The following CROCC variants were observed in gnomAD, a reference collection of about 807,000 sequenced individuals.
CROCC encodes rootletin.
In CROCC, 180 loss-of-function variants were observed where a neutral mutation model predicts 245.2. The observed-to-expected ratio is 0.73, with a 90% CI of 0.65 to 0.83. CROCC has a LOEUF of 0.83. Ranked by LOEUF, CROCC falls within the 40% of genes least tolerant of loss-of-function variation. The pLI is 0.00. For synonymous variants in CROCC, 1,205 were observed against 1,241.6 expected, an observed-to-expected ratio of 0.97 and a Z score of 0.62; for missense variants, 2,688 against 2,779.4, an observed-to-expected ratio of 0.97 and a Z score of 0.74.
chr1:16,935,359 A>G (rs1462934186), intron 8 of CROCC, among the ~76,000 whole-genome samples: 1 of 152,216 alleles, frequency 6.6e-6, no homozygotes, highest in Non-Finnish European at 1.5e-5. Flanking sequence ...CTAACCTACT[A>G]GTTATAACTG....
chr1:16,919,061 C>G (rs1352408365), upstream of CROCC, among the ~76,000 whole-genome samples: 1 of 152,294 alleles, frequency 6.6e-6, no homozygotes, highest in African/African-American at 2.4e-5. Context: ...TTGCCCAAAT[C>G]TGGCTTGCTT....
chr1:16,947,022 G>A, intron 17 of CROCC, 31 bp downstream of exon 17: 1 of 1,527,606 alleles, frequency 6.5e-7, no homozygotes, highest in South Asian at 1.2e-5. Flanking sequence ...GGGTGGTGTG[G>A]AGAGCATGTG....
chr1:16,943,791 G>C (rs1415798949), intron 13 of CROCC, among the ~76,000 whole-genome samples: 2 of 152,272 alleles, frequency 1.3e-5, no homozygotes, highest in African/African-American at 4.8e-5. Context: ...AGCAGAGCTG[G>C]TGGCACAATT....
chr1:16,938,887 T>G, intron 11 of CROCC, 22 bp from the exon 12 acceptor site: 1 of 1,603,454 alleles, frequency 6.2e-7, no homozygotes, highest in Non-Finnish European at 8.5e-7. Context: ...AGCCTCCTTC[T>G]GCCTCCCTCC....
chr1:16,927,876 CAG>C (rs1375716900), intron 3 of CROCC, among the ~76,000 whole-genome samples: 1 of 152,292 alleles, frequency 6.6e-6, no homozygotes, highest in Non-Finnish European at 1.5e-5. Context: ...CCTCCAGACT[CAG>C]GGGGAAGCCC....
chr1:16,944,159 G>C lies in CROCC; in HGVS notation c.1868G>C (p.Arg623Pro), dbSNP rs111539525. ...GCCCAGCAGCAGGCCGAGGAGCTGC[G>C]GCAGGAGCGGGAGAAGCTGCAGGCT... ...QVAQQQAEELRQEREKLQAAQ... is the reference protein window; with the variant it reads ...QVAQQQAEELPQEREKLQAAQ... The change falls in exon 14 of 37, where the codon CGG becomes CCG. Residue 623 changes from arginine (R) to proline (P), a missense_variant. Coordinates refer to ENST00000375541, the MANE Select transcript of CROCC (RefSeq NM_014675.5). 967 of 1,555,930 alleles carry C rather than the reference G, an allele frequency of 6.2e-4. 4 individuals carry two copies. Among genetic ancestry groups the C allele is most frequent in the African/African-American group, 4.2e-3 (307 of 73,506 alleles).
chr1:16,948,377 G>A lies in CROCC; in HGVS notation c.2561G>A (p.Arg854Gln), dbSNP rs763919738. The A allele has an allele frequency of 1.9e-5, 30 of 1,578,478 alleles. No homozygotes were observed. Among genetic ancestry groups the A allele is most frequent in the African/African-American group, 6.7e-5 (5 of 74,630 alleles). ...SGREQELEQA[R>Q]REAQRQVEAL... is the part of the protein sequence containing the mutation. ...CGGGAGCAGGAGCTGGAGCAGGCCC[G>A]GCGGGAGGCCCAGCGGCAAGTGGAG... Residue 854 changes from arginine to glutamine, a missense_variant, in exon 18 of 37, where the codon CGG (arginine) becomes CAG (glutamine). Coordinates refer to ENST00000375541, the MANE Select transcript of CROCC (RefSeq NM_014675.5).
chr1:16,963,890 G>A (rs1366700272), intron 27 of CROCC, among the ~76,000 whole-genome samples: 1 of 152,086 alleles, frequency 6.6e-6, no homozygotes, highest in African/African-American at 2.4e-5. Context: ...CCGCCTGCTG[G>A]GTTCAAGCGA....
rs1392010991 is a variant in CROCC, at chr1:16,954,469, G to A, written c.3321+112G>A. 4.2e-6 allele frequency: 6 copies of A among 1,417,054 alleles called. No individual in the cohort carries two copies. The highest frequency in any genetic ancestry group is 5.7e-6 in the Non-Finnish European group (6 of 1,057,100). The allele number at this position is 1,417,054 out of a possible 1,614,324, so 87.8% of individuals were successfully genotyped here. ...TGTCCTGGAGAAGCTTCCAGGCTGT[G>A]GGAAAGGAGGTTTAGCCCTTCTTTT... On this transcript the variant is annotated intron_variant, in intron 22 of 36. Transcript: ENST00000375541. This position sits in a 1 kb window ranked among gnomAD's most constrained non-coding sequence, Gnocchi z 4.4.
At position 16,971,659 on chromosome 1, in the gene CROCC, C is replaced by G; in HGVS notation, c.5967+12C>G. On this transcript the variant is annotated intron_variant, in intron 36 of 36. Transcript: ENST00000375541. ...GGCTGGAGGAGCAGGTGTGCAGGCC[C>G]CCTTAGAAGGCTGGGCCAGGATGGA... 6.8e-7 allele frequency: 1 copy of G among 1,468,674 alleles called. No homozygotes were observed. The highest frequency in any genetic ancestry group is 9.0e-7 in the Non-Finnish European group (1 of 1,109,504). The allele number at this position is 1,468,674 out of a possible 1,614,324, so 91.0% of individuals were successfully genotyped here.
intron 24 of CROCC, 89 bp downstream of exon 24, chr1:16,955,639 C>A: frequency 8.6e-7 from 1 of 1,164,140 alleles, no homozygotes; most frequent in Non-Finnish European, 1.2e-6. Context: ...GGGGAAATTG[C>A]CCAGATACGG....
Position 16,966,616 on chromosome 1 carries a change from AC to A in CROCC, c.4860+48del. On this transcript the variant is annotated intron_variant, in intron 30 of 36. Coordinates refer to ENST00000375541, the MANE Select transcript of CROCC (RefSeq NM_014675.5). This position sits in a 1 kb window ranked among gnomAD's most constrained non-coding sequence, Gnocchi z 4.8. ...CAGCGGGGCGACGGGGAATCTGTGT[AC>A]CCGAGTGAGTGTCTAACTCTTATGT... The A allele has an allele frequency of 6.9e-7, 1 of 1,441,776 alleles. No homozygotes were observed. Among genetic ancestry groups the A allele is most frequent in the South Asian group, 1.4e-5 (1 of 70,712 alleles). 89.3% of individuals were successfully genotyped at this position (1,441,776 alleles called of 1,614,324 possible).
intron 1 of CROCC, among the ~76,000 whole-genome samples, chr1:16,916,887 G>A: frequency 6.6e-6 from 1 of 152,294 alleles, no homozygotes; most frequent in Non-Finnish European, 1.5e-5. Flanking sequence ...AGAGGCCGAG[G>A]CGGGTAGATC....
chr1:16,950,966 C>T lies in CROCC; in HGVS notation c.2850C>T (p.Gly950=). Residue 950 remains glycine, a synonymous_variant, in exon 20 of 37, where the codon GGC becomes GGT. Coordinates refer to ENST00000375541, the MANE Select transcript of CROCC (RefSeq NM_014675.5). ...AKETLTGELA[G]LRQQIIATQE... ...CCTCTCGTGCAGGGGAGTTGGCGGG[C>T]CTGCGGCAGCAAATAATAGCTACAC... The T allele has an allele frequency of 1.3e-6, 2 of 1,561,514 alleles. No individual in the cohort carries two copies. The highest frequency in any genetic ancestry group is 1.7e-6 in the Non-Finnish European group (2 of 1,155,648).
At chr1:16,923,667 A>G (rs1385688417) in intron 2 of CROCC, among the ~76,000 whole-genome samples, 1 of 137,530 alleles carries the variant, frequency 7.3e-6, no homozygotes, top group African/African-American at 2.7e-5. Flanking sequence ...GGTTACTACT[A>G]TTCTACCTTT....
Position 16,936,799 on chromosome 1 carries a change from C to G in CROCC, c.1119C>G (p.Asp373Glu). 5.0e-6 allele frequency: 8 copies of G among 1,612,072 alleles called. No homozygotes were observed. Among genetic ancestry groups the G allele is most frequent in the South Asian group, 2.2e-5 (2 of 91,004 alleles). The change falls in exon 9 of 37, where the codon GAC (aspartate) becomes GAG (glutamate). Residue 373 changes from aspartate (D) to glutamate (E), a missense_variant. Around this residue, in one of 9 missense-constraint regions of CROCC, gnomAD observed 972 missense variants for 895.3 expected, o/e 1.09. Coordinates refer to ENST00000375541, the MANE Select transcript of CROCC (RefSeq NM_014675.5). ...LQAQLEEQLR[D>E]KVLREKDLAQ... ...CCCAGCTGGAGGAGCAGCTGCGGGA[C>G]AAGGTGCTCCGCGAGAAGGACCTGG...
chr1:16,941,034 A>AT (rs1290671406), intron 13 of CROCC: 7 of 267,352 alleles, frequency 2.6e-5, no homozygotes, highest in South Asian at 1.3e-4. Flanking sequence ...ACATTTCTAA[A>AT]TTTTTTGTAG....
At chr1:16,922,555 G>A in intron 1 of CROCC, 108 bp from the exon 2 acceptor site, 1 of 1,435,416 alleles carries the variant, frequency 7.0e-7, no homozygotes, top group Non-Finnish European at 9.3e-7. Flanking sequence ...ATCTTGAGGG[G>A]GCTCCTGGGG....
chr1:16,943,589 G>C (rs1557607856), intron 13 of CROCC, among the ~76,000 whole-genome samples: 2 of 152,244 alleles, frequency 1.3e-5, no homozygotes, highest in Admixed American at 1.3e-4. Context: ...CGCACCTATG[G>C]CCAGTGGGGA....
Sources: allele counts gnomAD v4.1 joint callset (sites outside exome capture counted in the v4.1 genomes callset), GRCh38; gene constraint gnomAD v4.1.1; regional missense constraint gnomAD v4.1.1; non-coding constraint Gnocchi (gnomAD v3.1); transcripts MANE v1.5; gene names NCBI Gene and HGNC (gene_info 2026-07-23, HGNC 2026-07-21).